Variants in FBXO31 observed in about 807,000 individuals in gnomAD.
FBXO31 encodes F-box protein 31.
A neutral mutation model predicts 54.4 loss-of-function variants in FBXO31; 24 were observed. That is an observed-to-expected ratio of 0.44 (90% CI 0.32 to 0.62). FBXO31 has a LOEUF of 0.62. Ranked by LOEUF, FBXO31 falls within the 20% of genes least tolerant of loss-of-function variation. The probability of loss-of-function intolerance (pLI) is 0.05; values close to 1 mark genes in which losing one functional copy is unlikely to be tolerated. For synonymous variants in FBXO31, 388 were observed against 335.6 expected (o/e 1.16, Z -1.71); for missense variants, 665 against 787.1 (o/e 0.84, Z 1.86).
At chr16:87,386,503 G>A (rs1156494069), upstream of FBXO31, among the ~76,000 whole-genome samples, 1 of 152,190 alleles carries the variant, frequency 6.6e-6, no homozygotes, top group Non-Finnish European at 1.5e-5. Flanking sequence ...CACAATCTCA[G>A]CTCACTGCAG....
intron 1 of FBXO31, among the ~76,000 whole-genome samples, chr16:87,375,937 T>A (rs562385184): frequency 1.6e-4 from 25 of 152,070 alleles, no homozygotes; most frequent in Non-Finnish European, 3.1e-4. Flanking sequence ...TCACTCCACT[T>A]CCCCACATGC....
intron 8 of FBXO31, among the ~76,000 whole-genome samples, chr16:87,332,376 C>T (rs1247807788): frequency 1.3e-5 from 2 of 152,196 alleles, no homozygotes; most frequent in African/African-American, 4.8e-5. Context: ...TAGCTGGGGA[C>T]GGAGGCTGGA....
chr16:87,342,847 T>C (rs1002473663), intron 5 of FBXO31, 30 bp downstream of exon 5: 5 of 1,576,690 alleles, frequency 3.2e-6, no homozygotes, highest in South Asian at 1.2e-5. Context: ...GTCCGCACCA[T>C]ATGAACACAG....
intron 1 of FBXO31, among the ~76,000 whole-genome samples, chr16:87,375,976 A>G (rs1906807947): frequency 1.3e-5 from 2 of 152,212 alleles, no homozygotes. Context: ...AGTAGTATAA[A>G]AATAACCAAC....
At position 87,335,774 on chromosome 16, in the gene FBXO31, T is replaced by C. The variant is rs1375721951; in HGVS notation, c.843-317A>G. On this transcript the variant is annotated intron_variant, in intron 6 of 8. Coordinates refer to ENST00000311635, the MANE Select transcript of FBXO31 (RefSeq NM_024735.5). This position sits in a 1 kb window ranked among gnomAD's most constrained non-coding sequence, Gnocchi z 5.7. ...CAGGAGAAAGGAGCCCAAGTCACCA[T>C]GGAGGGGATCCCCGCACTGGGCTGA... Among the ~76,000 whole-genome samples the C allele has an allele frequency of 6.6e-6, 1 of 152,220 alleles. No individual in the cohort carries two copies. Among genetic ancestry groups the C allele is most frequent in the East Asian group, 1.9e-4 (1 of 5,170 alleles).
chr16:87,369,738 G>C (rs900366710), intron 1 of FBXO31, among the ~76,000 whole-genome samples: 1 of 152,112 alleles, frequency 6.6e-6, no homozygotes, highest in African/African-American at 2.4e-5. Context: ...AATTTTTTAG[G>C]AACTACAATA....
intron 1 of FBXO31, among the ~76,000 whole-genome samples, chr16:87,369,842 G>A (rs1236050403): frequency 3.3e-5 from 5 of 151,620 alleles, no homozygotes; most frequent in East Asian, 1.9e-4. Flanking sequence ...CTGAGACTCC[G>A]TCTCAAAAAT....
chr16:87,376,656 G>A (rs1906835750), intron 1 of FBXO31, among the ~76,000 whole-genome samples: 2 of 152,162 alleles, frequency 1.3e-5, no homozygotes, highest in Non-Finnish European at 1.5e-5. Flanking sequence ...GAAACTGGGT[G>A]GTAAACACAG....
intron 2 of FBXO31, among the ~76,000 whole-genome samples, chr16:87,356,277 T>A (rs1044672684): frequency 2.0e-5 from 3 of 151,662 alleles, no homozygotes; most frequent in Admixed American, 6.6e-5. Flanking sequence ...GCCAGCACAT[T>A]CCTGTCAGCA....
chr16:87,364,834 C>A (rs1038459810), intron 1 of FBXO31, among the ~76,000 whole-genome samples: 10 of 150,772 alleles, frequency 6.6e-5, no homozygotes, highest in African/African-American at 2.4e-4. Context: ...CCAGCCTGGG[C>A]AACATGGCGA....
intron 1 of FBXO31, among the ~76,000 whole-genome samples, chr16:87,368,386 T>G (rs957629762): frequency 1.3e-5 from 2 of 152,220 alleles, no homozygotes; most frequent in East Asian, 3.8e-4. Flanking sequence ...TTCTCATAAG[T>G]CATCAAGGGA....
intron 2 of FBXO31, 91 bp from the exon 3 acceptor site, chr16:87,347,341 G>T: frequency 9.1e-7 from 1 of 1,097,102 alleles, no homozygotes; most frequent in Non-Finnish European, 1.4e-6. Context: ...GGAACCATGA[G>T]GACTCACAAA....
At chr16:87,388,790 C>T (rs916953899) in intron 1 of FBXO31, 1 of 152,172 alleles carries the variant, frequency 6.6e-6, no homozygotes, top group African/African-American at 2.4e-5. Flanking sequence ...GGTGCCACTG[C>T]TGGACTTTGA....
chr16:87,362,816 C>G (rs1906195143), intron 1 of FBXO31, among the ~76,000 whole-genome samples: 1 of 152,220 alleles, frequency 6.6e-6, no homozygotes, highest in Non-Finnish European at 1.5e-5. Flanking sequence ...TCTGGCCTCC[C>G]AAAGTGCTGG....
Position 87,335,654 on chromosome 16 carries a change from G to A in FBXO31, c.843-197C>T, listed in dbSNP as rs368416481. On this transcript the variant is annotated intron_variant, in intron 6 of 8. Coordinates refer to ENST00000311635, the MANE Select transcript of FBXO31 (RefSeq NM_024735.5). This position sits in a 1 kb window ranked among gnomAD's most constrained non-coding sequence, Gnocchi z 5.7. ...ACCCCCACCACCCACCAGCACGCAC[G>A]CTTCCAACAGGACTTCTGGGGTTAA... 2.0e-5 allele frequency among the ~76,000 whole-genome samples: 3 copies of A among 152,148 alleles called. No individual in the cohort carries two copies. The highest frequency in any genetic ancestry group is 7.2e-5 in the African/African-American group (3 of 41,434).
intron 7 of FBXO31, among the ~76,000 whole-genome samples, chr16:87,334,670 G>A (rs1316008845): frequency 6.6e-6 from 1 of 152,250 alleles, no homozygotes; most frequent in African/African-American, 2.4e-5. Context: ...AAACTCTGGG[G>A]TCCAGGGAAT....
rs1326523856 is a variant in FBXO31, at chr16:87,328,489, A to G, written c.*2799T>C. The G allele has an allele frequency of 2.6e-5, 4 of 152,314 alleles. No homozygotes were observed. The highest frequency in any genetic ancestry group is 2.6e-4 in the Admixed American group (4 of 15,280). The allele number at this position is 152,314 out of a possible 1,614,324, so 9.4% of individuals were successfully genotyped here. A position where few individuals can be genotyped will look rare whatever the true frequency, so the allele number is the denominator to read the frequency against. On this transcript the variant is annotated 3_prime_UTR_variant, in exon 9 of 9. Coordinates refer to ENST00000311635, the MANE Select transcript of FBXO31 (RefSeq NM_024735.5). ...CCACCAGGCCTGCAAAGCCACTCAC[A>G]CTCAGCAGTGGACACTTGAGGTCAC...
chr16:87,343,475 C>G, intron 4 of FBXO31, 123 bp downstream of exon 4: 3 of 1,221,288 alleles, frequency 2.5e-6, no homozygotes, highest in Non-Finnish European at 3.4e-6. Context: ...GGCGGAGCCT[C>G]CCTCCCACCC....
At chr16:87,349,852 T>C (rs1905569540) in intron 2 of FBXO31, among the ~76,000 whole-genome samples, 1 of 151,030 alleles carries the variant, frequency 6.6e-6, no homozygotes, top group East Asian at 1.9e-4. Flanking sequence ...GAGGCTGTAG[T>C]GAGCTATGAT....
Sources: gnomAD v4.1 joint callset for allele counts (sites outside exome capture counted in the v4.1 genomes callset) on GRCh38, gnomAD v4.1.1 for gene constraint, Gnocchi (gnomAD v3.1) non-coding constraint, MANE v1.5 for transcripts, NCBI Gene and HGNC (gene_info 2026-07-23, HGNC 2026-07-21) for gene names.